The following CDH12 variants were observed in gnomAD, a reference collection of about 807,000 sequenced individuals.
CDH12 encodes cadherin-12.
A neutral mutation model predicts 74.1 loss-of-function variants in CDH12; 41 were observed. That is an observed-to-expected ratio of 0.55 (90% confidence interval 0.43 to 0.72). The LOEUF is 0.72. CDH12 is among the 30% of genes least tolerant of loss of function. The probability of loss-of-function intolerance (pLI) is 0.00; values close to 1 mark genes in which losing one functional copy is unlikely to be tolerated. For synonymous variants in CDH12, 399 were observed against 355.0 expected (o/e 1.12, Z -1.39); for missense variants, 945 against 977.2 (o/e 0.97, Z 0.44).
At chr5:22,234,926 G>C (rs187337294) in intron 3 of CDH12, among the ~76,000 whole-genome samples, 22 of 151,322 alleles carry the variant, frequency 1.5e-4, no homozygotes, top group African/African-American at 5.3e-4. Context: ...ACAAATGTTT[G>C]TACAAACCAA....
chr5:22,398,382 A>T (rs1035475950), intron 3 of CDH12, among the ~76,000 whole-genome samples: 3 of 152,128 alleles, frequency 2.0e-5, no homozygotes, highest in Admixed American at 6.6e-5. Context: ...ACTTCATACC[A>T]ACGCCCTCTT....
At chr5:22,190,358 GTCTATCTATCTATCTATCTA>G (rs79679304) in intron 4 of CDH12, among the ~76,000 whole-genome samples, 4 of 119,776 alleles carry the variant, frequency 3.3e-5, no homozygotes, top group African/African-American at 8.9e-5. Flanking sequence ...CTGTCTGTCT[GTCTATCTATCTATCTATCTA>G]TCTATCTATC....
chr5:22,560,024 T>C (rs1256536494), intron 1 of CDH12, among the ~76,000 whole-genome samples: 1 of 152,154 alleles, frequency 6.6e-6, no homozygotes, highest in Non-Finnish European at 1.5e-5. Context: ...AAAGGACCAA[T>C]CAATTTGTGC....
intron 1 of CDH12, among the ~76,000 whole-genome samples, chr5:22,673,922 G>A (rs951023205): frequency 6.6e-6 from 1 of 152,122 alleles, no homozygotes; most frequent in Non-Finnish European, 1.5e-5. Context: ...AAAAATCTAA[G>A]ATCTTTTAGA....
chr5:21,812,780 T>A (rs763744142), intron 9 of CDH12, among the ~76,000 whole-genome samples: 8 of 152,174 alleles, frequency 5.3e-5, no homozygotes, highest in Non-Finnish European at 7.4e-5. Context: ...AATGTCCTCC[T>A]GAGTTATTTT....
chr5:21,898,132 T>G (rs969835953), intron 6 of CDH12, among the ~76,000 whole-genome samples: 7 of 152,088 alleles, frequency 4.6e-5, no homozygotes, highest in Non-Finnish European at 7.4e-5. Context: ...AATAAAAAAC[T>G]TGGCTTACTT....
At chr5:22,494,082 CT>C (rs1339953284) in intron 2 of CDH12, among the ~76,000 whole-genome samples, 1 of 152,172 alleles carries the variant, frequency 6.6e-6, no homozygotes, top group African/African-American at 2.4e-5. Flanking sequence ...AAGTTTTGTA[CT>C]GTATATGGTC....
Position 22,372,082 on chromosome 5 carries a change from T to C in CDH12, c.-333+33175A>G, listed in dbSNP as rs116470282. 4.5e-3 allele frequency among the ~76,000 whole-genome samples: 680 copies of C among 152,320 alleles called. 5 individuals are homozygous for C. Among genetic ancestry groups the C allele is most frequent in the African/African-American group, 0.015 (644 of 41,570 alleles). Reference sequence around the variant, plus strand: ...ACGTCACTGGTCCAGGTCACTGAACTAATAATGCTAGCTTAGTTCAGAGTG... The same window carrying C: ...ACGTCACTGGTCCAGGTCACTGAACCAATAATGCTAGCTTAGTTCAGAGTG... On this transcript the variant is annotated intron_variant, in intron 3 of 14. Transcript: ENST00000382254.
chr5:22,699,903 G>A (rs1742618528), intron 1 of CDH12, among the ~76,000 whole-genome samples: 1 of 152,128 alleles, frequency 6.6e-6, no homozygotes, highest in African/African-American at 2.4e-5. Flanking sequence ...AGCCAGGAAC[G>A]ATGGCGCACA....
At chr5:22,133,125 T>C (rs1476472020) in intron 4 of CDH12, among the ~76,000 whole-genome samples, 1 of 152,174 alleles carries the variant, frequency 6.6e-6, no homozygotes, top group Non-Finnish European at 1.5e-5. Context: ...AAATTGTTTT[T>C]CAGATTCATT....
intron 2 of CDH12, among the ~76,000 whole-genome samples, chr5:22,465,085 G>C (rs1452555205): frequency 3.0e-4 from 45 of 151,824 alleles, no homozygotes; most frequent in Non-Finnish European, 6.3e-4. Flanking sequence ...AGAGAACTCT[G>C]ATTTGGAAAA....
At position 22,700,033 on chromosome 5, in the gene CDH12, G is replaced by A. The variant is rs150673978; in HGVS notation, c.-523+153025C>T. ...CTACAAAAATTAGCTGCATATGTTG[G>A]CGCATGCCTGTAATCTCAGCTATGT... On this transcript the variant is annotated intron_variant, in intron 1 of 14. Coordinates refer to ENST00000382254, the MANE Select transcript of CDH12 (RefSeq NM_004061.5). Among the ~76,000 whole-genome samples, 1,122 of 152,116 alleles carry A rather than the reference G, an allele frequency of 7.4e-3. 8 individuals carry two copies. Among genetic ancestry groups the A allele is most frequent in the African/African-American group, 0.025 (1,023 of 41,478 alleles).
intron 5 of CDH12, among the ~76,000 whole-genome samples, chr5:22,075,582 T>A (rs1742260275): frequency 6.6e-6 from 1 of 152,192 alleles, no homozygotes; most frequent in Non-Finnish European, 1.5e-5. Flanking sequence ...GAATATAGTC[T>A]ATAATACATA....
At chr5:21,929,377 T>C (rs2150079376) in intron 6 of CDH12, among the ~76,000 whole-genome samples, 1 of 149,904 alleles carries the variant, frequency 6.7e-6, no homozygotes, top group Non-Finnish European at 1.5e-5. Flanking sequence ...CCTTCTGGGG[T>C]GATGGGAGAC....
intron 3 of CDH12, among the ~76,000 whole-genome samples, chr5:22,226,531 C>T (rs924430167): frequency 9.2e-5 from 14 of 151,872 alleles, no homozygotes; most frequent in African/African-American, 3.1e-4. Flanking sequence ...GATCTTATAA[C>T]CCTAGAAGCT....
intron 8 of CDH12, among the ~76,000 whole-genome samples, chr5:21,836,267 A>C (rs572712687): frequency 6.6e-6 from 1 of 151,926 alleles, no homozygotes; most frequent in East Asian, 1.9e-4. Flanking sequence ...ATCAAAAATA[A>C]TATAGCTCTT....
intron 1 of CDH12, among the ~76,000 whole-genome samples, chr5:22,516,814 A>G (rs935789087): frequency 6.6e-6 from 1 of 152,092 alleles, no homozygotes; most frequent in African/African-American, 2.4e-5. Context: ...ATTATAAGTA[A>G]AATTGTGGCA....
chr5:22,622,635 C>A (rs1166076702), intron 1 of CDH12, among the ~76,000 whole-genome samples: 1 of 152,134 alleles, frequency 6.6e-6, no homozygotes, highest in Non-Finnish European at 1.5e-5. Flanking sequence ...GAAGTTGAAT[C>A]CCTGAATAGA....
intron 1 of CDH12, among the ~76,000 whole-genome samples, chr5:22,687,061 T>C (rs1277370786): frequency 6.6e-6 from 1 of 152,132 alleles, no homozygotes; most frequent in Admixed American, 6.5e-5. Flanking sequence ...TTCGGGAGGC[T>C]AAGGCGCGTG....
Sources: gnomAD v4.1 joint callset for allele counts (sites outside exome capture counted in the v4.1 genomes callset) on GRCh38, gnomAD v4.1.1 for gene constraint, MANE v1.5 for transcripts, NCBI Gene and HGNC (gene_info 2026-07-23, HGNC 2026-07-21) for gene names.